The following GALNT17 variants were observed in gnomAD, a reference collection of about 807,000 sequenced individuals.
GALNT17 encodes UDP-GalNAc:polypeptide N-acetylgalactosaminyltransferase-like 3.
A neutral mutation model predicts 63.7 loss-of-function variants in GALNT17; 29 were observed. The observed-to-expected ratio is 0.46, with a 90% CI of 0.34 to 0.62. The LOEUF (loss-of-function observed/expected upper bound fraction) is 0.62, where lower values mean the gene tolerates loss of function less well. Among genes scored for constraint, GALNT17 ranks in the 20% least tolerant of loss-of-function variants. GALNT17 has a pLI of 0.01. For synonymous variants in GALNT17, 305 were observed against 318.3 expected (o/e 0.96, Z 0.45); for missense variants, 603 against 799.6 (o/e 0.75, Z 2.97).
At chr7:71,627,345 G>A (rs1307975481) in intron 6 of GALNT17, among the ~76,000 whole-genome samples, 3 of 152,214 alleles carry the variant, frequency 2.0e-5, no homozygotes, top group East Asian at 3.9e-4. Flanking sequence ...CTTGAGCCCA[G>A]GAGTTCGAGG....
intron 1 of GALNT17, among the ~76,000 whole-genome samples, chr7:71,298,478 G>T (rs754404137): frequency 6.6e-6 from 1 of 152,096 alleles, no homozygotes; most frequent in East Asian, 1.9e-4. Context: ...GACTGAAGTT[G>T]GTCCTAGCTC....
At chr7:71,272,940 A>C (rs1790618772) in intron 1 of GALNT17, among the ~76,000 whole-genome samples, 1 of 146,866 alleles carries the variant, frequency 6.8e-6, no homozygotes, top group Admixed American at 6.6e-5. Context: ...GAGCCTTGAA[A>C]GTTGAAATGT....
At chr7:71,683,516 C>A (rs962650455) in intron 9 of GALNT17, among the ~76,000 whole-genome samples, 1 of 152,134 alleles carries the variant, frequency 6.6e-6, no homozygotes. Flanking sequence ...TATTATCAAA[C>A]AGCAATTAAA....
chr7:71,495,743 G>T (rs1487483649), intron 5 of GALNT17, among the ~76,000 whole-genome samples: 1 of 152,132 alleles, frequency 6.6e-6, no homozygotes, highest in African/African-American at 2.4e-5. Flanking sequence ...CTTGAATTGG[G>T]CATCGTAATA....
chr7:71,277,357 G>T (rs1011536035), intron 1 of GALNT17, among the ~76,000 whole-genome samples: 1 of 152,128 alleles, frequency 6.6e-6, no homozygotes, highest in Non-Finnish European at 1.5e-5. Flanking sequence ...GGAGCGAGGG[G>T]CATGAGGGTA....
At chr7:71,197,116 A>G (rs1789065260) in intron 1 of GALNT17, among the ~76,000 whole-genome samples, 3 of 152,016 alleles carry the variant, frequency 2.0e-5, no homozygotes, top group Admixed American at 6.6e-5. Context: ...TTGTGCTACA[A>G]ATAATCCAGT....
chr7:71,360,506 C>A (rs777842943), intron 2 of GALNT17, among the ~76,000 whole-genome samples: 13 of 152,228 alleles, frequency 8.5e-5, no homozygotes, highest in Non-Finnish European at 1.3e-4. Context: ...CAAGCCACGA[C>A]AAACTGGCCT....
chr7:71,362,722 G>A (rs938154384), intron 2 of GALNT17, among the ~76,000 whole-genome samples: 27 of 152,104 alleles, frequency 1.8e-4, no homozygotes, highest in African/African-American at 5.3e-4. Context: ...ATCCATTTGT[G>A]TATATTTTTA....
chr7:71,667,072 T>C (rs1432797228), intron 7 of GALNT17, among the ~76,000 whole-genome samples: 1 of 152,228 alleles, frequency 6.6e-6, no homozygotes, highest in East Asian at 1.9e-4. Context: ...ACCTGCACCC[T>C]CAGCCACAGC....
In GALNT17 at chr7:71,449,108, C is replaced by CTTTTTTTTTTTTTTTTTTTTTTTTT. The variant is rs59368494; in HGVS notation, c.962+28025_962+28026insTTTTTTTTTTTTTTTTTTTTTTTTT. On this transcript the variant is annotated intron_variant, in intron 5 of 10. Coordinates refer to ENST00000333538, the MANE Select transcript of GALNT17 (RefSeq NM_022479.3). ...ATTAGAAATAACAGCTGCCTATTTT[C>CTTTTTTTTTTTTTTTTTTTTTTTTT]TTTTTTTTTTTTTTTTTTTTTTGAG... Among the ~76,000 whole-genome samples, 9 of 72,750 alleles carry CTTTTTTTTTTTTTTTTTTTTTTTTT rather than the reference C, an allele frequency of 1.2e-4. 1 individual carries two copies. Among genetic ancestry groups the CTTTTTTTTTTTTTTTTTTTTTTTTT allele is most frequent in the Non-Finnish European group, 2.1e-4 (9 of 43,306 alleles). 47.7% of individuals were successfully genotyped at this position (72,750 alleles called of 152,430 possible).
chr7:71,319,760 A>G (rs906564967), intron 1 of GALNT17, among the ~76,000 whole-genome samples: 2 of 152,200 alleles, frequency 1.3e-5, no homozygotes, highest in African/African-American at 4.8e-5. Context: ...CAAGCCGTAC[A>G]TGTATAAGTG....
intron 5 of GALNT17, among the ~76,000 whole-genome samples, chr7:71,537,874 C>T (rs1334027140): frequency 6.6e-6 from 1 of 152,014 alleles, no homozygotes; most frequent in East Asian, 1.9e-4. Context: ...GAGGAGAAGG[C>T]CATGAGAGGA....
At chr7:71,420,801 C>G (rs1370660721) in intron 4 of GALNT17, 107 bp from the exon 5 acceptor site, 5 of 1,386,438 alleles carry the variant, frequency 3.6e-6, no homozygotes, top group Non-Finnish European at 1.0e-6. Flanking sequence ...TCCAGCCTTC[C>G]CAAAGCCCAG....
At chr7:71,620,977 T>C (rs1790280759) in intron 6 of GALNT17, among the ~76,000 whole-genome samples, 1 of 152,236 alleles carries the variant, frequency 6.6e-6, no homozygotes, top group African/African-American at 2.4e-5. Flanking sequence ...GTTTAGTTGC[T>C]AATAGGGGAT....
intron 2 of GALNT17, among the ~76,000 whole-genome samples, chr7:71,385,221 C>G (rs1318627460): frequency 2.0e-5 from 3 of 151,992 alleles, no homozygotes; most frequent in Non-Finnish European, 4.4e-5. Flanking sequence ...GGTAGACCCT[C>G]GAAAGGGGAG....
At chr7:71,328,606 A>C (rs1184299183) in intron 1 of GALNT17, among the ~76,000 whole-genome samples, 1 of 151,120 alleles carries the variant, frequency 6.6e-6, no homozygotes, top group South Asian at 2.1e-4. Context: ...CTTTGCCAAC[A>C]GTTTCTGGGG....
intron 5 of GALNT17, among the ~76,000 whole-genome samples, chr7:71,483,360 C>T (rs975585670): frequency 1.3e-5 from 2 of 152,032 alleles, no homozygotes; most frequent in African/African-American, 4.8e-5. Flanking sequence ...ATCCCAGCTA[C>T]TCTGGAGGCT....
At chr7:71,441,173 C>G in intron 5 of GALNT17, among the ~76,000 whole-genome samples, 1 of 152,078 alleles carries the variant, frequency 6.6e-6, no homozygotes, top group East Asian at 1.9e-4. Context: ...TAGGCGCCCG[C>G]CACCACGCCC....
At chr7:71,619,364 T>A (rs1213305018) in intron 6 of GALNT17, among the ~76,000 whole-genome samples, 1 of 152,208 alleles carries the variant, frequency 6.6e-6, no homozygotes, top group Non-Finnish European at 1.5e-5. Flanking sequence ...TAACATTGAA[T>A]CTGTAAATTG....
Sources: gnomAD v4.1 joint callset for allele counts (sites outside exome capture counted in the v4.1 genomes callset) on GRCh38, gnomAD v4.1.1 for gene constraint, MANE v1.5 for transcripts, NCBI Gene and HGNC (gene_info 2026-07-23, HGNC 2026-07-21) for gene names.